PCDH11X: variants seen among roughly 807,000 people sequenced by gnomAD.
PCDH11X encodes protocadherin-11 X-linked.
PCDH11X carries 18 observed loss-of-function variants against 53.3 expected under a neutral mutation model. The observed-to-expected ratio is 0.34, with a 90% confidence interval of 0.23 to 0.50. PCDH11X has a LOEUF of 0.50. PCDH11X is among the 20% of genes least tolerant of loss of function. The pLI is 0.98. For missense variants in PCDH11X, 570 were observed against 1,032.4 expected, an observed-to-expected ratio of 0.55 and a Z score of 6.14; for synonymous variants, 279 against 393.3, an observed-to-expected ratio of 0.71 and a Z score of 3.44.
intron 8 of PCDH11X, among the ~76,000 whole-genome samples, chrX:92,264,651 C>T (rs1353610862): frequency 2.7e-5 from 3 of 111,247 alleles, no homozygotes; most frequent in Non-Finnish European, 5.7e-5. Flanking sequence ...GTTAGTTCAA[C>T]ATTGAAATGT....
chrX:92,563,548 A>G (rs375492978), intron 10 of PCDH11X, among the ~76,000 whole-genome samples: 1 of 111,610 alleles, frequency 9.0e-6, no homozygotes, highest in East Asian at 2.8e-4. Flanking sequence ...GTGACATCAC[A>G]TATTTAAAGT....
chrX:92,467,049 G>A (rs34233423), intron 9 of PCDH11X, among the ~76,000 whole-genome samples: 1 of 111,075 alleles, frequency 9.0e-6, no homozygotes, highest in African/African-American at 3.3e-5. Context: ...TATCATTGAA[G>A]TAGAATCCTC....
intron 6 of PCDH11X, among the ~76,000 whole-genome samples, chrX:92,059,214 A>G (rs2063492938): frequency 9.2e-6 from 1 of 109,122 alleles, no homozygotes; most frequent in Admixed American, 1.0e-4. Flanking sequence ...AATTTGATAC[A>G]TACTTCTTGA....
intron 6 of PCDH11X, among the ~76,000 whole-genome samples, chrX:92,019,473 C>T (rs185348310): frequency 1.4e-3 from 158 of 111,608 alleles, no homozygotes; most frequent in Non-Finnish European, 2.3e-3. Context: ...ACACACTCTT[C>T]GGCAAGTGCA....
intron 10 of PCDH11X, among the ~76,000 whole-genome samples, chrX:92,532,647 C>A (rs1361273961): frequency 1.5e-5 from 1 of 67,090 alleles, no homozygotes; most frequent in Non-Finnish European, 2.9e-5. Context: ...AGAAAGTTCT[C>A]CTCCTTCATT....
At chrX:92,277,192 G>A (rs1416522678) in intron 8 of PCDH11X, among the ~76,000 whole-genome samples, 2 of 110,132 alleles carry the variant, frequency 1.8e-5, no homozygotes, top group African/African-American at 6.6e-5. Context: ...AGGGAAAGAA[G>A]GAAGATTTGG....
At chrX:92,510,864 T>A (rs1012551492) in intron 10 of PCDH11X, among the ~76,000 whole-genome samples, 1 of 112,196 alleles carries the variant, frequency 8.9e-6, no homozygotes, top group African/African-American at 3.2e-5. Flanking sequence ...TTACTGTGCA[T>A]AAAAAGTATT....
rs748775061 is a variant in PCDH11X, at chrX:92,533,152, G to A, written c.3367+64830G>A. Among the ~76,000 whole-genome samples, 182 of 111,090 alleles carry A rather than the reference G, an allele frequency of 1.6e-3. 1 individual carries two copies. The highest frequency in any genetic ancestry group is 5.8e-3 in the African/African-American group (176 of 30,528). ...TTTCAAAACAGAATATAAATTAAAT[G>A]TCTTTGGGAGGAAAAAGTAAAAAAG... On this transcript the variant is annotated intron_variant, in intron 10 of 10. Transcript: ENST00000682573.
chrX:92,180,184 G>C (rs1364742415), intron 6 of PCDH11X, among the ~76,000 whole-genome samples: 3 of 111,114 alleles, frequency 2.7e-5, no homozygotes, highest in African/African-American at 9.8e-5. Flanking sequence ...AGTGAAGGAG[G>C]AAGCACTACA....
At chrX:92,382,772 G>A (rs1192702106) in intron 8 of PCDH11X, among the ~76,000 whole-genome samples, 2 of 108,659 alleles carry the variant, frequency 1.8e-5, no homozygotes, top group Non-Finnish European at 3.8e-5. Flanking sequence ...AAAACGCCAG[G>A]ATTTATTTCC....
intron 4 of PCDH11X, among the ~76,000 whole-genome samples, chrX:91,823,836 C>T (rs1432292563): frequency 3.1e-4 from 34 of 110,939 alleles, no homozygotes; most frequent in Non-Finnish European, 5.7e-4. Flanking sequence ...CCATATTTAG[C>T]GCTTCCTTCA....
At chrX:92,022,920 G>T (rs1017971422) in intron 6 of PCDH11X, among the ~76,000 whole-genome samples, 2 of 109,546 alleles carry the variant, frequency 1.8e-5, no homozygotes, top group African/African-American at 3.3e-5. Flanking sequence ...AATGACTCCT[G>T]GGAAAATAAT....
At chrX:92,262,807 C>A (rs779516266) in intron 7 of PCDH11X, among the ~76,000 whole-genome samples, 97 of 111,224 alleles carry the variant, frequency 8.7e-4, no homozygotes, top group African/African-American at 3.1e-3. Context: ...GGTGCCTTTT[C>A]TTGGTTAATG....
chrX:92,070,440 T>C (rs1341194157), intron 6 of PCDH11X, among the ~76,000 whole-genome samples: 8 of 112,168 alleles, frequency 7.1e-5, no homozygotes, highest in Admixed American at 1.9e-4. Flanking sequence ...GATATACTAT[T>C]CTGGAATAAA....
At chrX:91,803,804 T>A (rs763818909) in intron 1 of PCDH11X, among the ~76,000 whole-genome samples, 1 of 111,990 alleles carries the variant, frequency 8.9e-6, no homozygotes, top group African/African-American at 3.2e-5. Context: ...TGACCCCAGC[T>A]GCTTAGTGAA....
chrX:92,256,190 G>A (rs947002773), intron 7 of PCDH11X, among the ~76,000 whole-genome samples: 6 of 111,059 alleles, frequency 5.4e-5, no homozygotes, highest in Admixed American at 9.5e-5. Flanking sequence ...GGAGTGACCC[G>A]ATTTTCCCGA....
Position 92,405,560 on chromosome X carries a change from T to C in PCDH11X, c.3343+17627T>C, listed in dbSNP as rs1329677848. 3.7e-5 allele frequency among the ~76,000 whole-genome samples: 4 copies of C among 108,336 alleles called. No homozygotes were observed. In the South Asian group the frequency reaches 1.3e-3, roughly 34 times the overall value. 94.1% of individuals were successfully genotyped at this position (108,336 alleles called of 115,157 possible). A position where few individuals can be genotyped will look rare whatever the true frequency, so the allele number is the denominator to read the frequency against. ...GTTGTATTTTTTTTAAAAGTAGCTC[T>C]TCTTTTGTTTCCATTGCAAAGAAGA... On this transcript the variant is annotated intron_variant, in intron 9 of 10. Transcript: ENST00000682573.
At chrX:92,073,093 T>C (rs2063726947) in intron 6 of PCDH11X, among the ~76,000 whole-genome samples, 1 of 111,112 alleles carries the variant, frequency 9.0e-6, no homozygotes, top group African/African-American at 3.3e-5. Flanking sequence ...GAGTTCGATG[T>C]AAAGTCTCCC....
intron 9 of PCDH11X, among the ~76,000 whole-genome samples, chrX:92,453,578 G>C (rs989246124): frequency 9.0e-6 from 1 of 111,125 alleles, no homozygotes. Flanking sequence ...AACAGAATGA[G>C]ATTATGGGTT....
Sources: gnomAD v4.1 joint callset for allele counts (sites outside exome capture counted in the v4.1 genomes callset) on GRCh38, gnomAD v4.1.1 for gene constraint, MANE v1.5 for transcripts, NCBI Gene and HGNC (gene_info 2026-07-23, HGNC 2026-07-21) for gene names.